The following RNF180 variants were observed in gnomAD, a reference collection of about 807,000 sequenced individuals.
RNF180 encodes E3 ubiquitin-protein ligase RNF180.
Under a neutral mutation model 59.2 loss-of-function variants are expected in RNF180, and 38 were observed. The observed-to-expected ratio is 0.64, with a 90% CI of 0.50 to 0.84. The LOEUF (loss-of-function observed/expected upper bound fraction) is 0.84. Among genes scored for constraint, RNF180 ranks in the 40% least tolerant of loss-of-function variants. RNF180 has a pLI of 0.00. For missense variants in RNF180, 705 were observed against 700.9 expected (o/e 1.01, Z -0.07); for synonymous variants, 262 against 240.3 (o/e 1.09, Z -0.84).
At chr5:64,183,583 G>T (rs934973758) in intron 1 of RNF180, among the ~76,000 whole-genome samples, 17 of 151,504 alleles carry the variant, frequency 1.1e-4, no homozygotes, top group African/African-American at 2.7e-4. Context: ...GAGTAGCTGG[G>T]ATTACAGGCG....
At chr5:64,265,811 G>A (rs1002646439) in intron 5 of RNF180, among the ~76,000 whole-genome samples, 2 of 152,090 alleles carry the variant, frequency 1.3e-5, no homozygotes, top group Non-Finnish European at 2.9e-5. Flanking sequence ...ATTACTTTGG[G>A]CAGTATGGCC....
At chr5:64,309,515 AT>A (rs1228023735) in intron 5 of RNF180, among the ~76,000 whole-genome samples, 2 of 151,494 alleles carry the variant, frequency 1.3e-5, no homozygotes, top group Non-Finnish European at 3.0e-5. Context: ...CATAATGTAA[AT>A]TTTTTTGTTT....
chr5:64,198,611 A>C (rs572832772), intron 1 of RNF180, among the ~76,000 whole-genome samples: 13 of 152,324 alleles, frequency 8.5e-5, no homozygotes, highest in Admixed American at 6.5e-4. Context: ...TGGAGGGCAC[A>C]GGCAGATGTA....
At chr5:64,324,320 A>G (rs1389872288) in intron 5 of RNF180, among the ~76,000 whole-genome samples, 2 of 152,058 alleles carry the variant, frequency 1.3e-5, no homozygotes, top group South Asian at 2.1e-4. Context: ...ACACACCAAC[A>G]CTCACCCCAA....
intron 5 of RNF180, among the ~76,000 whole-genome samples, chr5:64,268,787 C>T (rs974510783): frequency 1.4e-4 from 22 of 152,250 alleles, no homozygotes; most frequent in African/African-American, 5.3e-4. Context: ...GCTACATCAA[C>T]CTTGGGGAAC....
At chr5:64,180,971 C>T (rs549889787) in intron 1 of RNF180, among the ~76,000 whole-genome samples, 1 of 152,186 alleles carries the variant, frequency 6.6e-6, no homozygotes, top group African/African-American at 2.4e-5. Flanking sequence ...AACAATGCAG[C>T]CTTCAGTCTG....
chr5:64,202,097 C>A (rs1751784522), intron 2 of RNF180, among the ~76,000 whole-genome samples: 1 of 152,190 alleles, frequency 6.6e-6, no homozygotes, highest in African/African-American at 2.4e-5. Flanking sequence ...TAAGTTTTAT[C>A]AGCCCTGCCA....
chr5:64,185,871 A>C, intron 1 of RNF180, among the ~76,000 whole-genome samples: 1 of 152,328 alleles, frequency 6.6e-6, no homozygotes, highest in Middle Eastern at 3.4e-3. Context: ...TAACAGATGA[A>C]CAAAGGTATC....
At chr5:64,221,622 A>C (rs2112153864) in intron 5 of RNF180, among the ~76,000 whole-genome samples, 1 of 152,290 alleles carries the variant, frequency 6.6e-6, no homozygotes, top group South Asian at 2.1e-4. Context: ...TAAATATCTT[A>C]ATTTGGCCTT....
intron 5 of RNF180, among the ~76,000 whole-genome samples, chr5:64,265,392 T>C (rs1744601234): frequency 6.6e-6 from 1 of 152,160 alleles, no homozygotes; most frequent in South Asian, 2.1e-4. Context: ...CCATCTTAAG[T>C]TAATTTTTGT....
intron 5 of RNF180, among the ~76,000 whole-genome samples, chr5:64,270,751 C>A (rs1008356510): frequency 3.9e-5 from 6 of 152,036 alleles, no homozygotes; most frequent in African/African-American, 1.4e-4. Flanking sequence ...AGCTATTTGA[C>A]TATTTTGCTT....
At chr5:64,223,206 T>A (rs1009875829) in intron 5 of RNF180, among the ~76,000 whole-genome samples, 15 of 152,178 alleles carry the variant, frequency 9.9e-5, no homozygotes, top group Non-Finnish European at 2.2e-4. Flanking sequence ...GTGGCCCCCT[T>A]CCAGCCATAT....
chr5:64,352,160 T>C (rs1011680221), intron 7 of RNF180, among the ~76,000 whole-genome samples: 1 of 152,128 alleles, frequency 6.6e-6, no homozygotes, highest in African/African-American at 2.4e-5. Context: ...AATTTACCCA[T>C]TTCTTCTAGA....
At chr5:64,183,823 C>T (rs922341023) in intron 1 of RNF180, among the ~76,000 whole-genome samples, 2 of 152,120 alleles carry the variant, frequency 1.3e-5, no homozygotes, top group Admixed American at 1.3e-4. Context: ...CATATGATGT[C>T]CTGAAACTCA....
chr5:64,344,530 A>AAAG (rs1554045280), intron 7 of RNF180, among the ~76,000 whole-genome samples: 5 of 151,534 alleles, frequency 3.3e-5, no homozygotes, highest in African/African-American at 9.7e-5. Flanking sequence ...CTGCTAGAAA[A>AAAG]AAAAACACAC....
intron 1 of RNF180, among the ~76,000 whole-genome samples, chr5:64,195,230 T>C (rs1291124697): frequency 6.6e-6 from 1 of 152,184 alleles, no homozygotes; most frequent in East Asian, 1.9e-4. Flanking sequence ...GGGTAGAGTG[T>C]CTTCTAGCTG....
chr5:64,246,721 A>G (rs1408408290), intron 5 of RNF180, among the ~76,000 whole-genome samples: 2 of 152,228 alleles, frequency 1.3e-5, no homozygotes, highest in Non-Finnish European at 2.9e-5. Flanking sequence ...AAACTATTCC[A>G]AACAATAGAA....
At chr5:64,190,047 C>G (rs1013532253) in intron 1 of RNF180, among the ~76,000 whole-genome samples, 9 of 152,128 alleles carry the variant, frequency 5.9e-5, no homozygotes, top group Admixed American at 5.9e-4. Flanking sequence ...GAGTATAGGG[C>G]CATCTCTTCA....
intron 1 of RNF180, among the ~76,000 whole-genome samples, chr5:64,178,305 C>T (rs944333016): frequency 1.3e-5 from 2 of 152,184 alleles, no homozygotes; most frequent in East Asian, 3.9e-4. Flanking sequence ...CCCAGCCTCA[C>T]GCTTTTCCAG....
Sources: gnomAD v4.1 joint callset for allele counts (sites outside exome capture counted in the v4.1 genomes callset) on GRCh38, gnomAD v4.1.1 for gene constraint, MANE v1.5 for transcripts, NCBI Gene and HGNC (gene_info 2026-07-23, HGNC 2026-07-21) for gene names.